The following DLGAP1 variants were observed in gnomAD, a reference collection of about 807,000 sequenced individuals.
The protein encoded by DLGAP1 is disks large-associated protein 1.
A neutral mutation model predicts 90.8 loss-of-function variants in DLGAP1; 11 were observed. That is an observed-to-expected ratio of 0.12 (90% CI 0.08 to 0.20). The LOEUF (loss-of-function observed/expected upper bound fraction) is 0.20. Ranked by LOEUF, DLGAP1 falls within the 10% of genes least tolerant of loss-of-function variation. The pLI, the probability that DLGAP1 is intolerant of heterozygous loss-of-function variation, is 1.00. For missense variants in DLGAP1, 1,050 were observed against 1,333.8 expected, an observed-to-expected ratio of 0.79 and a Z score of 3.31; for synonymous variants, 558 against 540.7, an observed-to-expected ratio of 1.03 and a Z score of -0.44.
At chr18:3,528,388 A>G (rs560598499) in intron 10 of DLGAP1, among the ~76,000 whole-genome samples, 1 of 152,352 alleles carries the variant, frequency 6.6e-6, no homozygotes, top group South Asian at 2.1e-4. Context: ...GGTGAAACAA[A>G]GGCCCTCTGC....
chr18:4,215,947 A>G (rs1026931975), intron 1 of DLGAP1, among the ~76,000 whole-genome samples: 4 of 152,158 alleles, frequency 2.6e-5, no homozygotes, highest in Admixed American at 6.6e-5. Flanking sequence ...AAAAGGGAAT[A>G]CACCTGAAGC....
At chr18:4,408,615 A>G (rs2082713423) in intron 1 of DLGAP1, among the ~76,000 whole-genome samples, 4 of 152,194 alleles carry the variant, frequency 2.6e-5, no homozygotes, top group Admixed American at 2.6e-4. Context: ...ATAGAAATTG[A>G]TAAAAGATGA....
chr18:3,721,192 G>A lies in DLGAP1; in HGVS notation c.1591+7943C>T, dbSNP rs113065367. Among the ~76,000 whole-genome samples the A allele has an allele frequency of 1.9e-3, 282 of 152,196 alleles. 2 individuals are homozygous for A. The highest frequency in any genetic ancestry group is 6.6e-3 in the African/African-American group (273 of 41,536). On this transcript the variant is annotated intron_variant, in intron 7 of 12. Coordinates refer to ENST00000315677, the MANE Select transcript of DLGAP1 (RefSeq NM_004746.4). ...CTGAGTTGCTATTGTTCACATCTTT[G>A]CTCTACAGTTCAAGCAAGAGACCAG...
At chr18:3,577,316 G>C (rs2055216973) in intron 8 of DLGAP1, among the ~76,000 whole-genome samples, 1 of 152,098 alleles carries the variant, frequency 6.6e-6, no homozygotes. Flanking sequence ...TTTCCTTCTT[G>C]TTCCTTTTAT....
chr18:3,806,084 T>C (rs2066544678), intron 5 of DLGAP1, among the ~76,000 whole-genome samples: 2 of 152,236 alleles, frequency 1.3e-5, no homozygotes, highest in Admixed American at 1.3e-4. Context: ...AGGCTTCCTT[T>C]TAAAGAAGCT....
At chr18:4,203,424 T>C (rs2077650352) in intron 1 of DLGAP1, among the ~76,000 whole-genome samples, 1 of 152,178 alleles carries the variant, frequency 6.6e-6, no homozygotes, top group African/African-American at 2.4e-5. Flanking sequence ...TAAGAACGGG[T>C]AGAATCGAGT....
At chr18:3,818,234 T>C (rs1202691634) in intron 4 of DLGAP1, among the ~76,000 whole-genome samples, 1 of 151,946 alleles carries the variant, frequency 6.6e-6, no homozygotes, top group Non-Finnish European at 1.5e-5. Context: ...AGCCCGTCTA[T>C]AACTGAAACC....
At chr18:4,003,770 A>G (rs1287878392) in intron 3 of DLGAP1, among the ~76,000 whole-genome samples, 1 of 152,212 alleles carries the variant, frequency 6.6e-6, no homozygotes, top group African/African-American at 2.4e-5. Context: ...TGCTAATTTC[A>G]TAAGTGTATT....
intron 1 of DLGAP1, among the ~76,000 whole-genome samples, chr18:4,323,638 T>TA (rs143437840): frequency 6.6e-6 from 1 of 151,722 alleles, no homozygotes; most frequent in Non-Finnish European, 1.5e-5. Flanking sequence ...CTCAGCAAAT[T>TA]AAAAAAACAA....
chr18:4,001,501 G>A (rs2074184900), intron 3 of DLGAP1, among the ~76,000 whole-genome samples: 1 of 152,182 alleles, frequency 6.6e-6, no homozygotes, highest in Admixed American at 6.5e-5. Context: ...TAAGTGAGAT[G>A]AGTTTTCTTG....
chr18:3,584,973 G>C (rs1332570334), intron 7 of DLGAP1, among the ~76,000 whole-genome samples: 1 of 152,064 alleles, frequency 6.6e-6, no homozygotes, highest in Non-Finnish European at 1.5e-5. Context: ...GGCTGGTCTT[G>C]AACCCCTGGC....
intron 2 of DLGAP1, among the ~76,000 whole-genome samples, chr18:4,064,667 A>G (rs1196827647): frequency 6.6e-6 from 1 of 152,012 alleles, no homozygotes; most frequent in African/African-American, 2.4e-5. Flanking sequence ...CCCTGAACAG[A>G]CTCATAATCA....
At chr18:3,929,946 T>C (rs1157510365) in intron 3 of DLGAP1, among the ~76,000 whole-genome samples, 2 of 152,224 alleles carry the variant, frequency 1.3e-5, no homozygotes, top group Non-Finnish European at 2.9e-5. Flanking sequence ...TGCAGTCTTG[T>C]ACCATGAACT....
chr18:4,366,032 G>A (rs1454760616), intron 1 of DLGAP1, among the ~76,000 whole-genome samples: 1 of 152,014 alleles, frequency 6.6e-6, no homozygotes, highest in African/African-American at 2.4e-5. Context: ...TAATTTTGGT[G>A]AATGATTTAT....
At chr18:4,088,547 G>A (rs1047120472) in intron 2 of DLGAP1, among the ~76,000 whole-genome samples, 1 of 152,058 alleles carries the variant, frequency 6.6e-6, no homozygotes, top group African/African-American at 2.4e-5. Flanking sequence ...CCTAATGAGT[G>A]CCTTTAACCA....
intron 1 of DLGAP1, among the ~76,000 whole-genome samples, chr18:4,392,534 G>A (rs1819332041): frequency 2.0e-5 from 3 of 152,124 alleles, no homozygotes; most frequent in Admixed American, 2.0e-4. Flanking sequence ...TTTAAAAAAT[G>A]CCTTCTTGAG....
At position 3,729,319 on chromosome 18, in the gene DLGAP1, G is replaced by A. The variant is rs1304485335; in HGVS notation, c.1407C>T (p.Ser469=). 2.5e-6 allele frequency: 4 copies of A among 1,613,978 alleles called. No individual in the cohort carries two copies. The highest frequency in any genetic ancestry group is 4.5e-5 in the East Asian group (2 of 44,888). Residue 469 remains serine (S), a synonymous_variant, in exon 7 of 13, where the codon AGC becomes AGT. Coordinates refer to ENST00000315677, the MANE Select transcript of DLGAP1 (RefSeq NM_004746.4). The surrounding 1 kb of genome is among the most constrained non-coding windows in gnomAD (Gnocchi z 6.2). Reference sequence around the variant, plus strand: ...CTTCCACGGCCTGCGACTCCAGCTCGCTGAACACGGACTCGCACACGGACT... The same window carrying A: ...CTTCCACGGCCTGCGACTCCAGCTCACTGAACACGGACTCGCACACGGACT... ...QFESVCESVF[S]ELESQAVEAL...
intron 5 of DLGAP1, among the ~76,000 whole-genome samples, chr18:3,808,275 G>A (rs2148387153): frequency 6.6e-6 from 1 of 152,206 alleles, no homozygotes; most frequent in African/African-American, 2.4e-5. Context: ...GGAGTGGGGA[G>A]TTAGAAGTAT....
At chr18:4,089,492 A>C (rs1175104132) in intron 2 of DLGAP1, among the ~76,000 whole-genome samples, 1 of 152,226 alleles carries the variant, frequency 6.6e-6, no homozygotes, top group Non-Finnish European at 1.5e-5. Flanking sequence ...CCATATAGCC[A>C]AGACAATCCT....
Sources: gnomAD v4.1 joint callset for allele counts (sites outside exome capture counted in the v4.1 genomes callset) on GRCh38, gnomAD v4.1.1 for gene constraint, Gnocchi (gnomAD v3.1) non-coding constraint, MANE v1.5 for transcripts, NCBI Gene and HGNC (gene_info 2026-07-23, HGNC 2026-07-21) for gene names.